The following TBCD variants were observed in gnomAD, a reference collection of about 807,000 sequenced individuals.
The protein encoded by TBCD is tubulin folding cofactor D.
Under a neutral mutation model 169.3 loss-of-function variants are expected in TBCD, and 105 were observed. The observed-to-expected ratio is 0.62, with a 90% CI of 0.53 to 0.73. The LOEUF is 0.73. Among genes scored for constraint, TBCD ranks in the 30% least tolerant of loss-of-function variants. The pLI is 0.00. For synonymous variants in TBCD, 700 were observed against 643.9 expected, an observed-to-expected ratio of 1.09 and a Z score of -1.32; for missense variants, 1,444 against 1,600.1, an observed-to-expected ratio of 0.90 and a Z score of 1.66.
At chr17:82,921,897 C>T (rs759759729) in intron 25 of TBCD, among the ~76,000 whole-genome samples, 2 of 152,204 alleles carry the variant, frequency 1.3e-5, no homozygotes, top group African/African-American at 2.4e-5. Flanking sequence ...CCTGTAGGAT[C>T]TGAGGTTTGG....
chr17:82,772,603 C>G (rs117026521), intron 6 of TBCD, 96 bp downstream of exon 6: 1 of 1,301,646 alleles, frequency 7.7e-7, no homozygotes, highest in African/African-American at 1.5e-5. Context: ...AGTCCTCAGA[C>G]GAAGGACCCC....
chr17:82,807,819 G>A (rs1026254542), intron 11 of TBCD, among the ~76,000 whole-genome samples, 151 bp downstream of exon 11: 1 of 152,230 alleles, frequency 6.6e-6, no homozygotes, highest in Non-Finnish European at 1.5e-5. Flanking sequence ...ACGTGTTGGC[G>A]TGAAGATGGT....
intron 5 of TBCD, among the ~76,000 whole-genome samples, chr17:82,770,254 T>C (rs1246461704): frequency 6.6e-6 from 1 of 152,220 alleles, no homozygotes; most frequent in Non-Finnish European, 1.5e-5. Context: ...AATTTAAAAT[T>C]CTCTCTGATA....
intron 13 of TBCD, among the ~76,000 whole-genome samples, chr17:82,838,196 A>G (rs1306029950): frequency 6.6e-6 from 1 of 152,224 alleles, no homozygotes. Flanking sequence ...TAAATTGCCA[A>G]TATACTGTCT....
At chr17:82,816,286 T>A (rs1441556347) in intron 13 of TBCD, among the ~76,000 whole-genome samples, 1 of 152,210 alleles carries the variant, frequency 6.6e-6, no homozygotes, top group Non-Finnish European at 1.5e-5. Context: ...TTGTCCATCC[T>A]TTTCATCAGC....
chr17:82,929,706 A>G, intron 32 of TBCD: 1 of 726,360 alleles, frequency 1.4e-6, no homozygotes, highest in Non-Finnish European at 2.4e-6. Context: ...GAGTCTGATG[A>G]AGGTGGGACA....
At chr17:82,853,037 G>C (rs907327902) in intron 13 of TBCD, among the ~76,000 whole-genome samples, 1 of 152,138 alleles carries the variant, frequency 6.6e-6, no homozygotes, top group Admixed American at 6.5e-5. Flanking sequence ...CTTTATGCCC[G>C]ATGTGAATGT....
At position 82,781,692 on chromosome 17, in the gene TBCD, A is replaced by G. The variant is rs2048957872; in HGVS notation, c.742A>G (p.Ile248Val). Residue 248 changes from isoleucine (I) to valine (V), a missense_variant, in exon 7 of 39, where the codon ATC (isoleucine) becomes GTC (valine). By Grantham distance (29) the Ile-to-Val change is conservative. Coordinates refer to ENST00000355528, the MANE Select transcript of TBCD (RefSeq NM_005993.5). ...RSSFQTMQGV[I>V]TMDGTLQALA... Reference sequence around the variant, plus strand: ...CTCCTTCCAGACCATGCAGGGGGTCATCACCATGGATGGGACGCTGCAGGC... The same window carrying G: ...CTCCTTCCAGACCATGCAGGGGGTCGTCACCATGGATGGGACGCTGCAGGC... 6.2e-7 allele frequency: 1 copy of G among 1,613,756 alleles called. No individual in the cohort carries two copies.
chr17:82,917,020 T>C lies in TBCD; in HGVS notation c.2039-3536T>C, dbSNP rs973048934. Among the ~76,000 whole-genome samples the C allele has an allele frequency of 1.4e-3, 7 of 4,852 alleles. No homozygotes were observed. In the East Asian group the frequency reaches 0.051, roughly 36 times the overall value. The allele number at this position is 4,852 out of a possible 152,430, so 3.2% of individuals were successfully genotyped here. On this transcript the variant is annotated intron_variant, in intron 23 of 38. Coordinates refer to ENST00000355528, the MANE Select transcript of TBCD (RefSeq NM_005993.5). ...AGTTTGGACTTTTTTTTTTCTTTTCTTTTCTTTTTTTTTTTTTTGAGTTGG... is the reference window on the plus strand; with the variant it reads ...AGTTTGGACTTTTTTTTTTCTTTTCCTTTCTTTTTTTTTTTTTTGAGTTGG...
At chr17:82,788,834 C>T (rs1301024029) in intron 7 of TBCD, among the ~76,000 whole-genome samples, 1 of 152,168 alleles carries the variant, frequency 6.6e-6, no homozygotes, top group Non-Finnish European at 1.5e-5. Context: ...TGAGCACCAG[C>T]GCCCGCCCCA....
At position 82,896,488 on chromosome 17, in the gene TBCD, C is replaced by T. The variant is rs556841867; in HGVS notation, c.1649+2856C>T. Among the ~76,000 whole-genome samples, 144 of 123,130 alleles carry T rather than the reference C, an allele frequency of 1.2e-3. 1 individual carries two copies. The highest frequency in any genetic ancestry group is 1.9e-3 in the Non-Finnish European group (120 of 62,496). The allele number at this position is 123,130 out of a possible 152,430, so 80.8% of individuals were successfully genotyped here. On this transcript the variant is annotated intron_variant, in intron 17 of 38. Coordinates refer to ENST00000355528, the MANE Select transcript of TBCD (RefSeq NM_005993.5). ...TTTTTTTTTTTTTTTCCTTTTGAGA[C>T]AGAGCCTTGCTCTGTCACCCAGGCT...
chr17:82,854,192 G>A (rs1281254418), intron 13 of TBCD, among the ~76,000 whole-genome samples: 2 of 152,170 alleles, frequency 1.3e-5, no homozygotes, highest in East Asian at 3.8e-4. Flanking sequence ...CCCTGAATCC[G>A]AAAATCCAAA....
chr17:82,942,446 C>G lies in TBCD; in HGVS notation c.3565-3C>G. 1.9e-6 allele frequency: 3 copies of G among 1,613,994 alleles called. No individual in the cohort carries two copies. Among genetic ancestry groups the G allele is most frequent in the Non-Finnish European group, 2.5e-6 (3 of 1,179,888 alleles). On this transcript the variant is annotated splice_region_variant and splice_polypyrimidine_tract_variant and intron_variant, in intron 38 of 38. Coordinates refer to ENST00000355528, the MANE Select transcript of TBCD (RefSeq NM_005993.5). ...GCCTGAGCTTGTCTTGTCTCTTCTT[C>G]AGCCTGGTGCCTGCTGAAGCCAGTC... is the stretch of plus-strand genomic sequence containing the variant.
intron 13 of TBCD, among the ~76,000 whole-genome samples, chr17:82,867,183 G>C (rs1039243661): frequency 1.3e-4 from 7 of 54,080 alleles, no homozygotes; most frequent in African/African-American, 2.5e-4. Context: ...GGCCTGGGGT[G>C]GGGGGTCTGT....
chr17:82,901,294 C>T (rs1452319699), intron 18 of TBCD, among the ~76,000 whole-genome samples: 1 of 152,234 alleles, frequency 6.6e-6, no homozygotes, highest in African/African-American at 2.4e-5. Context: ...GGGTCCCCTC[C>T]TAGGACAGTG....
In TBCD at chr17:82,864,655, C is replaced by T. The variant is rs111332797; in HGVS notation, c.1319-5569C>T. Among the ~76,000 whole-genome samples the T allele has an allele frequency of 0.022, 3,348 of 152,164 alleles. 139 individuals carry two copies. The highest frequency in any genetic ancestry group is 0.077 in the African/African-American group (3,176 of 41,506). ...CAGGTGGGGAGAGTTGCTGGGCCAG[C>T]GTGGCTGGGTGACTTTCCTGTGGAA... is the stretch of plus-strand genomic sequence containing the variant. On this transcript the variant is annotated intron_variant, in intron 13 of 38. Transcript: ENST00000355528. This position sits in a 1 kb window ranked among gnomAD's most constrained non-coding sequence, Gnocchi z 6.3.
At chr17:82,932,333 C>T (rs559054620) in intron 33 of TBCD, among the ~76,000 whole-genome samples, 5 of 152,344 alleles carry the variant, frequency 3.3e-5, no homozygotes, top group Admixed American at 2.0e-4. Context: ...CTCCCCTCTC[C>T]GCTGCATTGC....
intron 13 of TBCD, among the ~76,000 whole-genome samples, chr17:82,827,951 A>C (rs1293198296): frequency 6.8e-6 from 1 of 147,668 alleles, no homozygotes; most frequent in Non-Finnish European, 1.5e-5. Flanking sequence ...ACACGATTGA[A>C]TGTGCATACA....
At chr17:82,811,726 G>T (rs2051457648) in intron 12 of TBCD, among the ~76,000 whole-genome samples, 1 of 152,304 alleles carries the variant, frequency 6.6e-6, no homozygotes, top group Admixed American at 6.5e-5. Flanking sequence ...AAAAGGTGCA[G>T]CCTCAGAGCA....
Sources: gnomAD v4.1 joint callset for allele counts (sites outside exome capture counted in the v4.1 genomes callset) on GRCh38, gnomAD v4.1.1 for gene constraint, Gnocchi (gnomAD v3.1) non-coding constraint, MANE v1.5 for transcripts, NCBI Gene and HGNC (gene_info 2026-07-23, HGNC 2026-07-21) for gene names.